NEK11: variants seen among roughly 807,000 people sequenced by gnomAD.
NEK11 encodes the protein serine/threonine-protein kinase Nek11.
In NEK11, 72 loss-of-function variants were observed where a neutral mutation model predicts 80.7. The observed-to-expected ratio is 0.89, with a 90% CI of 0.74 to 1.08. NEK11 has a LOEUF of 1.08. Among genes scored for constraint, NEK11 ranks in the 50% least tolerant of loss-of-function variants. The pLI, the probability that NEK11 is intolerant of heterozygous loss-of-function variation, is 0.00. For missense variants in NEK11, 764 were observed against 763.6 expected (o/e 1.00, Z -0.01); for synonymous variants, 251 against 260.7 (o/e 0.96, Z 0.36).
chr3:131,067,869 A>G (rs1206499482), intron 3 of NEK11, among the ~76,000 whole-genome samples: 2 of 152,340 alleles, frequency 1.3e-5, no homozygotes, highest in South Asian at 4.1e-4. Context: ...TTGGGTTAAA[A>G]TGTAAGGAAG....
intron 17 of NEK11, among the ~76,000 whole-genome samples, chr3:131,318,439 T>C (rs1026134838): frequency 6.6e-6 from 1 of 152,214 alleles, no homozygotes; most frequent in Non-Finnish European, 1.5e-5. Context: ...GAATTTATGC[T>C]ATATAAATAC....
intron 16 of NEK11, among the ~76,000 whole-genome samples, chr3:131,255,801 C>G (rs1443863081): frequency 6.6e-6 from 1 of 152,174 alleles, no homozygotes; most frequent in African/African-American, 2.4e-5. Flanking sequence ...TCACAAACAC[C>G]AGAATTACAA....
At chr3:131,238,286 C>T (rs59647576) in intron 15 of NEK11, among the ~76,000 whole-genome samples, 23,186 of 152,142 alleles carry the variant, frequency 0.15, 1,953 homozygotes, top group South Asian at 0.23. Flanking sequence ...TGAGTGGCCA[C>T]TATTGCTTAT....
intron 15 of NEK11, among the ~76,000 whole-genome samples, chr3:131,241,598 C>T (rs544708130): frequency 6.6e-6 from 1 of 152,088 alleles, no homozygotes; most frequent in Non-Finnish European, 1.5e-5. Context: ...AATGTGTGTT[C>T]TAAAAACAGA....
At chr3:131,191,550 A>C (rs1240402356) in intron 14 of NEK11, among the ~76,000 whole-genome samples, 1 of 152,116 alleles carries the variant, frequency 6.6e-6, no homozygotes, top group Non-Finnish European at 1.5e-5. Flanking sequence ...CCCTATTTTA[A>C]AGGCAGCTAA....
At chr3:131,034,282 T>C (rs2065287148) in intron 3 of NEK11, among the ~76,000 whole-genome samples, 1 of 152,224 alleles carries the variant, frequency 6.6e-6, no homozygotes, top group African/African-American at 2.4e-5. Flanking sequence ...GCATAGAATG[T>C]TGGTTATAAT....
chr3:131,245,567 T>A (rs2095588361), intron 16 of NEK11, among the ~76,000 whole-genome samples: 1 of 152,150 alleles, frequency 6.6e-6, no homozygotes, highest in Admixed American at 6.6e-5. Context: ...CAAAATACTG[T>A]ATAAATGTTC....
In NEK11 at chr3:131,132,781, A is replaced by G. The variant is rs2084753692; in HGVS notation, c.492A>G (p.Val164=). 6.5e-7 allele frequency: 1 copy of G among 1,531,628 alleles called. No homozygotes were observed. Among genetic ancestry groups the G allele is most frequent in the South Asian group, 1.2e-5 (1 of 83,266 alleles). The allele number at this position is 1,531,628 out of a possible 1,614,324, so 94.9% of individuals were successfully genotyped here. ...ILHRDLKSKN[V]FLKNNLLKIG... ...ATCGAGACTTAAAGTCAAAGAATGTATTTCTGAAAAATAATCTCCTTAAAA... is the reference window on the plus strand; with the variant it reads ...ATCGAGACTTAAAGTCAAAGAATGTGTTTCTGAAAAATAATCTCCTTAAAA... The change falls in exon 6 of 18, where the codon GTA becomes GTG. Residue 164 remains valine (V), a synonymous_variant. Coordinates refer to ENST00000383366, the MANE Select transcript of NEK11 (RefSeq NM_024800.5).
chr3:131,115,902 T>TTTCCTTTC (rs2080944775), intron 5 of NEK11, among the ~76,000 whole-genome samples: 1 of 70,170 alleles, frequency 1.4e-5, no homozygotes, highest in East Asian at 4.4e-4. Flanking sequence ...AAAGGTAGTG[T>TTTCCTTTC]TTTCTTTCTT....
intron 17 of NEK11, among the ~76,000 whole-genome samples, chr3:131,338,733 C>T (rs988113493): frequency 6.6e-6 from 1 of 152,148 alleles, no homozygotes; most frequent in African/African-American, 2.4e-5. Flanking sequence ...TTGAAAGGCA[C>T]CAGTTCTTTA....
chr3:131,135,832 C>T (rs538515630), intron 7 of NEK11, among the ~76,000 whole-genome samples: 1 of 151,954 alleles, frequency 6.6e-6, no homozygotes, highest in Non-Finnish European at 1.5e-5. Flanking sequence ...ATGTAACAAA[C>T]CTGGCTCCTT....
intron 17 of NEK11, among the ~76,000 whole-genome samples, chr3:131,295,354 A>C (rs2096582622): frequency 6.6e-6 from 1 of 152,028 alleles, no homozygotes; most frequent in Non-Finnish European, 1.5e-5. Context: ...GAAAACCTGA[A>C]ATTTGAAATG....
intron 16 of NEK11, among the ~76,000 whole-genome samples, chr3:131,248,598 C>T (rs551996114): frequency 2.2e-4 from 33 of 152,114 alleles, no homozygotes; most frequent in African/African-American, 7.0e-4. Flanking sequence ...ATGGTCCCCC[C>T]GTGGAAAGCT....
chr3:131,265,394 A>T (rs7646460), intron 16 of NEK11, among the ~76,000 whole-genome samples: 29,152 of 151,990 alleles, frequency 0.19, 5,247 homozygotes, highest in African/African-American at 0.47. Context: ...GTTCCATCAA[A>T]ACTTAGTTTA....
chr3:131,306,961 T>C (rs920605400), intron 17 of NEK11, among the ~76,000 whole-genome samples: 1 of 152,158 alleles, frequency 6.6e-6, no homozygotes, highest in Non-Finnish European at 1.5e-5. Context: ...AAGCCATGAC[T>C]CCATGGATTT....
intron 14 of NEK11, among the ~76,000 whole-genome samples, chr3:131,177,432 G>C (rs1170553812): frequency 2.0e-5 from 3 of 152,118 alleles, no homozygotes; most frequent in African/African-American, 7.2e-5. Context: ...GTCTGTTACT[G>C]TATTTCGCTC....
At chr3:131,208,775 T>C (rs1385041222) in intron 14 of NEK11, among the ~76,000 whole-genome samples, 50 of 152,222 alleles carry the variant, frequency 3.3e-4, no homozygotes, top group Middle Eastern at 3.2e-3. Flanking sequence ...TGTCTGTTAT[T>C]GGTGTATAAG....
chr3:131,115,927 T>TTTCTTTCC (rs1267916505), intron 5 of NEK11, among the ~76,000 whole-genome samples: 1 of 107,914 alleles, frequency 9.3e-6, no homozygotes, highest in Non-Finnish European at 2.0e-5. Flanking sequence ...TCTTTCTTTC[T>TTTCTTTCC]TTCTTTCTTT....
At chr3:131,280,938 C>G (rs1189856371) in intron 17 of NEK11, among the ~76,000 whole-genome samples, 2 of 152,204 alleles carry the variant, frequency 1.3e-5, no homozygotes, top group Non-Finnish European at 2.9e-5. Flanking sequence ...ACCAGGTTTA[C>G]CAGTTTGGCA....
Sources: gnomAD v4.1 joint callset for allele counts (sites outside exome capture counted in the v4.1 genomes callset) on GRCh38, gnomAD v4.1.1 for gene constraint, MANE v1.5 for transcripts, NCBI Gene and HGNC (gene_info 2026-07-23, HGNC 2026-07-21) for gene names.